The following LARGE1 variants were observed in gnomAD, a reference collection of about 807,000 sequenced individuals.
LARGE1 encodes the protein xylosyl- and glucuronyltransferase LARGE1.
Under a neutral mutation model 87.6 loss-of-function variants are expected in LARGE1, and 43 were observed. That is an observed-to-expected ratio of 0.49 (90% CI 0.38 to 0.63). LARGE1 has a LOEUF of 0.63. Ranked by LOEUF, LARGE1 falls within the 30% of genes least tolerant of loss-of-function variation. LARGE1 has a pLI of 0.00. For missense variants in LARGE1, 802 were observed against 1,000.2 expected, an observed-to-expected ratio of 0.80 and a Z score of 2.67; for synonymous variants, 434 against 394.6, an observed-to-expected ratio of 1.10 and a Z score of -1.18.
intron 11 of LARGE1, among the ~76,000 whole-genome samples, chr22:33,176,559 C>T (rs796274648): frequency 4.0e-4 from 61 of 152,266 alleles, no homozygotes; most frequent in African/African-American, 1.4e-3. Context: ...TGACAAAATG[C>T]TCATCATCAC....
rs573287599 is a variant in LARGE1 at position 33,511,172 on chromosome 22, T to A, written c.787+53676A>T. ...TCCACATGTGGCAGCTGTACTCAGG[T>A]ATCTTCACACGCAGCTTTTACTGCT... On this transcript the variant is annotated intron_variant, in intron 6 of 14. Transcript: ENST00000397394. Among the ~76,000 whole-genome samples, 10 of 152,312 alleles carry A rather than the reference T, an allele frequency of 6.6e-5. No homozygotes were observed. In the South Asian group the frequency reaches 2.1e-3, roughly 32 times the overall value.
chr22:33,419,566 C>G (rs1191727092), intron 7 of LARGE1, among the ~76,000 whole-genome samples: 1 of 152,150 alleles, frequency 6.6e-6, no homozygotes, highest in Non-Finnish European at 1.5e-5. Flanking sequence ...TTCTCAGAGA[C>G]TCTACCCAAA....
At chr22:33,878,955 C>T (rs953502891) in intron 1 of LARGE1, among the ~76,000 whole-genome samples, 4 of 147,364 alleles carry the variant, frequency 2.7e-5, no homozygotes, top group Non-Finnish European at 5.9e-5. Flanking sequence ...CATTTCTAGT[C>T]CCAGTTTCTT....
chr22:33,378,775 C>T (rs2065065421), intron 9 of LARGE1, among the ~76,000 whole-genome samples: 1 of 151,278 alleles, frequency 6.6e-6, no homozygotes, highest in Admixed American at 6.6e-5. Flanking sequence ...TGGCTTAGTC[C>T]CACGAGGCTG....
intron 1 of LARGE1, among the ~76,000 whole-genome samples, chr22:33,802,105 T>A (rs2086180124): frequency 6.6e-6 from 1 of 151,050 alleles, no homozygotes; most frequent in Non-Finnish European, 1.5e-5. Context: ...AGATGACTAA[T>A]GAATCCTCTG....
At chr22:33,129,514 C>A in the LARGE1 span, among the ~76,000 whole-genome samples, 1 of 151,954 alleles carries the variant, frequency 6.6e-6, no homozygotes, top group Non-Finnish European at 1.5e-5. Flanking sequence ...TGCACATGTA[C>A]CCTAAAACTT....
chr22:33,119,378 C>T, the LARGE1 span, among the ~76,000 whole-genome samples: 1 of 151,794 alleles, frequency 6.6e-6, no homozygotes, highest in East Asian at 1.9e-4. Context: ...TTTTATCCAC[C>T]CAGTGAAAGT....
intron 6 of LARGE1, among the ~76,000 whole-genome samples, chr22:33,535,803 T>C (rs1031731445): frequency 1.3e-5 from 2 of 152,116 alleles, no homozygotes; most frequent in Non-Finnish European, 1.5e-5. Flanking sequence ...GGATCGCTGA[T>C]CTGTGATGTC....
At chr22:33,841,567 T>TA (rs1266302786) in intron 1 of LARGE1, among the ~76,000 whole-genome samples, 5 of 152,160 alleles carry the variant, frequency 3.3e-5, no homozygotes, top group Admixed American at 2.6e-4. Context: ...AGAACACACA[T>TA]ACCTCTCAAC....
At chr22:33,473,229 C>T (rs1443079932) in intron 6 of LARGE1, among the ~76,000 whole-genome samples, 2 of 151,674 alleles carry the variant, frequency 1.3e-5, no homozygotes, top group East Asian at 1.9e-4. Flanking sequence ...AGTGCAATGG[C>T]GTGATCTTGG....
At chr22:33,346,307 CTTT>C (rs200111650) in intron 9 of LARGE1, among the ~76,000 whole-genome samples, 10 of 138,866 alleles carry the variant, frequency 7.2e-5, no homozygotes, top group South Asian at 2.3e-4. Flanking sequence ...TCTTCTTTTT[CTTT>C]TTTTTTTCTG....
chr22:33,727,494 T>C (rs754997532), intron 2 of LARGE1: 10 of 152,312 alleles, frequency 6.6e-5, no homozygotes, highest in Non-Finnish European at 1.3e-4. Context: ...CCTACAGCAA[T>C]GTCAGTGAAG....
intron 1 of LARGE1, among the ~76,000 whole-genome samples, chr22:33,804,859 T>C (rs1225898801): frequency 2.0e-5 from 3 of 152,206 alleles, no homozygotes; most frequent in African/African-American, 7.2e-5. Context: ...GTTCACGGCT[T>C]TCAATGGCCT....
rs572894676 is a variant in LARGE1, at chr22:33,389,389, G to A, written c.893-5085C>T. Among the ~76,000 whole-genome samples, 112 of 152,364 alleles carry A rather than the reference G, an allele frequency of 7.4e-4. 3 individuals carry two copies. The South Asian group carries it at 0.022, about 30-fold the overall frequency. ...TGGAAAGGCTGATCCAAGGGTTTCA[G>A]AGGCCCCAGGCCCTACCAAAGTATC... On this transcript the variant is annotated intron_variant, in intron 7 of 14. Transcript: ENST00000397394.
At position 33,850,999 on chromosome 22, in the gene LARGE1, G is replaced by A. The variant is rs1224519128; in HGVS notation, c.-83+68996C>T. ...CCCCCATTTCTAAAGTTTGGGTGGT[G>A]GAAGACAGAGAGGGATCATTTGGCA... is the stretch of plus-strand genomic sequence containing the variant. On this transcript the variant is annotated intron_variant, in intron 1 of 14. Coordinates refer to ENST00000397394, the MANE Select transcript of LARGE1 (RefSeq NM_133642.5). Among the ~76,000 whole-genome samples the A allele has an allele frequency of 2.6e-5, 4 of 152,166 alleles. No homozygotes were observed. In the East Asian group the frequency reaches 7.7e-4, roughly 29 times the overall value.
chr22:33,204,888 C>A (rs1251037458), intron 11 of LARGE1, among the ~76,000 whole-genome samples: 1 of 152,008 alleles, frequency 6.6e-6, no homozygotes, highest in Non-Finnish European at 1.5e-5. Context: ...GAAAGCAACA[C>A]CAAGGAGGTA....
At chr22:33,614,469 C>T (rs932004344) in intron 4 of LARGE1, among the ~76,000 whole-genome samples, 1 of 152,078 alleles carries the variant, frequency 6.6e-6, no homozygotes, top group African/African-American at 2.4e-5. Context: ...TATATAAGCC[C>T]CAGCCTCTCG....
At chr22:33,277,580 G>C (rs1929586306) in intron 13 of LARGE1, among the ~76,000 whole-genome samples, 1 of 152,168 alleles carries the variant, frequency 6.6e-6, no homozygotes, top group Non-Finnish European at 1.5e-5. Flanking sequence ...TAGACATTGG[G>C]AGAGATTGGA....
intron 1 of LARGE1, among the ~76,000 whole-genome samples, chr22:33,811,730 G>A (rs1198959183): frequency 6.6e-6 from 1 of 152,180 alleles, no homozygotes; most frequent in African/African-American, 2.4e-5. Flanking sequence ...GCAAGAAGAA[G>A]TAATCAAAGA....
Sources: allele counts gnomAD v4.1 joint callset (sites outside exome capture counted in the v4.1 genomes callset), GRCh38; gene constraint gnomAD v4.1.1; transcripts MANE v1.5; gene names NCBI Gene and HGNC (gene_info 2026-07-23, HGNC 2026-07-21).